TMC1: variants seen among roughly 807,000 people sequenced by gnomAD.
TMC1 encodes the protein transmembrane channel-like protein 1.
TMC1 carries 84 observed loss-of-function variants against 105.8 expected under a neutral mutation model. The observed-to-expected ratio is 0.79, with a 90% CI of 0.67 to 0.95. The LOEUF is 0.95. TMC1 is among the 40% of genes least tolerant of loss of function. TMC1 has a pLI of 0.00. For synonymous variants in TMC1, 315 were observed against 311.5 expected, an observed-to-expected ratio of 1.01 and a Z score of -0.12; for missense variants, 817 against 914.1, an observed-to-expected ratio of 0.89 and a Z score of 1.37.
intron 1 of TMC1, among the ~76,000 whole-genome samples, chr9:72,571,959 C>T (rs1438848999): frequency 1.3e-5 from 2 of 151,750 alleles, no homozygotes; most frequent in East Asian, 1.9e-4. Context: ...GCCTCAGCCT[C>T]TTGAGTAGCT....
At chr9:72,543,050 T>A (rs920885114) in intron 1 of TMC1, among the ~76,000 whole-genome samples, 1 of 152,002 alleles carries the variant, frequency 6.6e-6, no homozygotes, top group Non-Finnish European at 1.5e-5. Flanking sequence ...TATGTGATAA[T>A]TTTTTTTAAA....
chr9:72,641,583 G>A lies in TMC1; in HGVS notation c.-52-7014G>A, dbSNP rs185735367. 2.6e-5 allele frequency among the ~76,000 whole-genome samples: 4 copies of A among 152,180 alleles called. No individual in the cohort carries two copies. The East Asian group carries it at 7.7e-4, about 29-fold the overall frequency. ...AAAAATTATTAAGAATTTCCAGATG[G>A]CAACAGTGGAACAGTCAATGAAGCA... On this transcript the variant is annotated intron_variant, in intron 4 of 23. Coordinates refer to ENST00000297784, the MANE Select transcript of TMC1 (RefSeq NM_138691.3).
chr9:72,692,362 G>A, intron 6 of TMC1, among the ~76,000 whole-genome samples: 1 of 152,072 alleles, frequency 6.6e-6, no homozygotes, highest in East Asian at 1.9e-4. Context: ...ATGGTGTGAG[G>A]GTGTGTCAGA....
At chr9:72,666,367 C>G (rs1826042333) in intron 5 of TMC1, among the ~76,000 whole-genome samples, 1 of 152,142 alleles carries the variant, frequency 6.6e-6, no homozygotes, top group African/African-American at 2.4e-5. Flanking sequence ...GGGGAGCACT[C>G]TACAGAGGTG....
intron 8 of TMC1, among the ~76,000 whole-genome samples, chr9:72,703,158 A>G (rs1007920076): frequency 1.3e-5 from 2 of 151,864 alleles, no homozygotes; most frequent in Admixed American, 6.6e-5. Context: ...CAGGGTCTTA[A>G]CTCTGTTGCC....
Position 72,792,317 on chromosome 9 carries a change from C to G in TMC1, c.1531C>G (p.Pro511Ala). 1 of 1,614,080 alleles carries G rather than the reference C, an allele frequency of 6.2e-7. No individual in the cohort carries two copies. Among genetic ancestry groups the G allele is most frequent in the Non-Finnish European group, 8.5e-7 (1 of 1,180,004 alleles). The change falls in exon 17 of 24, where the codon CCT becomes GCT. Residue 511 changes from proline to alanine, a missense_variant. Physicochemically the swap from Pro to Ala is conservative, Grantham distance 27. Coordinates refer to ENST00000297784, the MANE Select transcript of TMC1 (RefSeq NM_138691.3). The stretch of plus-strand genomic sequence containing the variant: ...CTTTTTTGTTCACCCTGCAGATGTA[C>G]CTCGAGGACCTTGCTGGGAAACAAT... ...PPFFVHPADV[P>A]RGPCWETMVG... is the part of the protein sequence containing the mutation.
At chr9:72,525,156 G>A (rs553725974) in intron 1 of TMC1, among the ~76,000 whole-genome samples, 2 of 152,132 alleles carry the variant, frequency 1.3e-5, no homozygotes, top group African/African-American at 2.4e-5. Flanking sequence ...TAGCTTATCT[G>A]TTTTATTTTT....
intron 8 of TMC1, among the ~76,000 whole-genome samples, chr9:72,729,252 G>C (rs1827168772): frequency 6.6e-6 from 1 of 152,104 alleles, no homozygotes; most frequent in Admixed American, 6.6e-5. Flanking sequence ...TCTCATGTTT[G>C]TTGCTAATAA....
At chr9:72,571,242 G>A (rs914268292) in intron 1 of TMC1, among the ~76,000 whole-genome samples, 15 of 151,050 alleles carry the variant, frequency 9.9e-5, no homozygotes, top group African/African-American at 9.7e-5. Flanking sequence ...AAAATCACTT[G>A]AACCTGGGAG....
intron 17 of TMC1, among the ~76,000 whole-genome samples, chr9:72,795,745 AG>A (rs1828353346): frequency 6.6e-6 from 1 of 152,226 alleles, no homozygotes; most frequent in Admixed American, 6.5e-5. Context: ...CAAACAAGCC[AG>A]CATAATAATC....
chr9:72,683,589 C>A (rs1020352296), intron 5 of TMC1, among the ~76,000 whole-genome samples: 5 of 149,632 alleles, frequency 3.3e-5, no homozygotes, highest in Admixed American at 2.0e-4. Context: ...TCTTTTTTTC[C>A]CCCTTGAGAA....
At chr9:72,753,907 T>A (rs1301390402) in intron 11 of TMC1, among the ~76,000 whole-genome samples, 1 of 152,118 alleles carries the variant, frequency 6.6e-6, no homozygotes, top group African/African-American at 2.4e-5. Flanking sequence ...TTCTATTCTG[T>A]TCGGACCAGG....
Position 72,737,262 on chromosome 9 carries a change from A to G in TMC1, c.363-2857A>G, listed in dbSNP as rs190549844. Among the ~76,000 whole-genome samples, 184 of 152,282 alleles carry G rather than the reference A, an allele frequency of 1.2e-3. 1 individual carries two copies. Among genetic ancestry groups the G allele is most frequent in the Non-Finnish European group, 6.0e-4 (41 of 68,036 alleles). On this transcript the variant is annotated intron_variant, in intron 8 of 23. Coordinates refer to ENST00000297784, the MANE Select transcript of TMC1 (RefSeq NM_138691.3). ...AAATCCCAGACTTGTGTTGTGATCA[A>G]ATTGTTCCGTAATATATCAATCATG... is the stretch of plus-strand genomic sequence containing the variant.
chr9:72,608,162 A>G (rs1485047270), intron 2 of TMC1, among the ~76,000 whole-genome samples: 1 of 152,200 alleles, frequency 6.6e-6, no homozygotes, highest in Non-Finnish European at 1.5e-5. Context: ...TAAGAAGCAC[A>G]GAAAAAAGAG....
chr9:72,527,188 A>C (rs1470920926), intron 1 of TMC1, among the ~76,000 whole-genome samples: 1 of 152,134 alleles, frequency 6.6e-6, no homozygotes, highest in Non-Finnish European at 1.5e-5. Flanking sequence ...TGTGGGTAAT[A>C]CTGCTTAAAA....
chr9:72,834,461 C>T (rs919699932), intron 23 of TMC1, among the ~76,000 whole-genome samples: 1 of 152,110 alleles, frequency 6.6e-6, no homozygotes, highest in African/African-American at 2.4e-5. Flanking sequence ...CATTGGGGGA[C>T]TCTGCCTGGG....
At chr9:72,606,996 TATATATAGAG>T (rs1396420512) in intron 2 of TMC1, among the ~76,000 whole-genome samples, 1 of 99,858 alleles carries the variant, frequency 1.0e-5, no homozygotes, top group Non-Finnish European at 2.1e-5. Context: ...TATATATATA[TATATATAGAG>T]AGAGAGAGAG....
intron 17 of TMC1, among the ~76,000 whole-genome samples, chr9:72,798,247 A>AGG: frequency 6.6e-6 from 1 of 152,174 alleles, no homozygotes; most frequent in African/African-American, 2.4e-5. Context: ...AGAAAAAGGA[A>AGG]CATTTATACA....
intron 17 of TMC1, among the ~76,000 whole-genome samples, chr9:72,794,663 A>G (rs553390990): frequency 2.6e-4 from 39 of 152,318 alleles, no homozygotes; most frequent in Non-Finnish European, 4.6e-4. Flanking sequence ...GAACACCTAC[A>G]CACTGAGATG....
Sources: allele counts gnomAD v4.1 joint callset (sites outside exome capture counted in the v4.1 genomes callset), GRCh38; gene constraint gnomAD v4.1.1; transcripts MANE v1.5; gene names NCBI Gene and HGNC (gene_info 2026-07-23, HGNC 2026-07-21).